Variants in LRFN5 observed in about 807,000 individuals in gnomAD.
LRFN5 encodes the protein leucine-rich repeat and fibronectin type-III domain-containing protein 5.
In LRFN5, 24 loss-of-function variants were observed where a neutral mutation model predicts 45.6. That is an observed-to-expected ratio of 0.53 (90% CI 0.38 to 0.74). The LOEUF (loss-of-function observed/expected upper bound fraction) is 0.74, where lower values mean the gene tolerates loss of function less well. Among genes scored for constraint, LRFN5 ranks in the 30% least tolerant of loss-of-function variants. The probability of loss-of-function intolerance (pLI) is 0.00; values close to 1 mark genes in which losing one functional copy is unlikely to be tolerated. For synonymous variants in LRFN5, 340 were observed against 313.8 expected (o/e 1.08, Z -0.88); for missense variants, 776 against 861.5 (o/e 0.90, Z 1.24).
intron 1 of LRFN5, among the ~76,000 whole-genome samples, chr14:41,708,685 T>C (rs567795938): frequency 1.3e-5 from 2 of 151,500 alleles, no homozygotes; most frequent in African/African-American, 4.8e-5. Flanking sequence ...TTGTTCTATA[T>C]TGATCCCTCC....
chr14:41,682,307 T>C (rs564737325), intron 1 of LRFN5, among the ~76,000 whole-genome samples: 1 of 151,978 alleles, frequency 6.6e-6, no homozygotes, highest in East Asian at 1.9e-4. Flanking sequence ...ATAGACAGTA[T>C]AATAAGATAC....
intron 2 of LRFN5, among the ~76,000 whole-genome samples, chr14:41,877,758 G>A (rs942364822): frequency 6.6e-6 from 1 of 151,884 alleles, no homozygotes; most frequent in South Asian, 2.1e-4. Flanking sequence ...TTCATAGTTG[G>A]CCATCTATTT....
chr14:41,696,547 T>TCACAATCTGTTGATTGTGATATCAA (rs149987994), intron 1 of LRFN5, among the ~76,000 whole-genome samples: 83,699 of 150,840 alleles, frequency 0.55, 25,428 homozygotes, highest in East Asian at 0.96. Flanking sequence ...TCTGCAGACA[T>TCACAATCTGTTGATTGTGATATCAA]CACAATCTGT....
intron 1 of LRFN5, among the ~76,000 whole-genome samples, chr14:41,649,095 G>A (rs115108123): frequency 0.019 from 2,842 of 151,840 alleles, 81 homozygotes; most frequent in African/African-American, 0.064. Context: ...TTAGTTGGGC[G>A]TTGTGGCGGG....
chr14:41,652,588 G>A (rs1419181302), intron 1 of LRFN5, among the ~76,000 whole-genome samples: 1 of 151,906 alleles, frequency 6.6e-6, no homozygotes, highest in Non-Finnish European at 1.5e-5. Context: ...GTGACAGGCT[G>A]GTTTCTACTA....
intron 2 of LRFN5, among the ~76,000 whole-genome samples, chr14:41,818,504 AAC>A (rs149071051): frequency 2.7e-4 from 40 of 150,456 alleles, no homozygotes; most frequent in Admixed American, 1.1e-3. Context: ...CACACACACA[AAC>A]ACACACACAC....
chr14:41,624,557 C>T (rs1888258023), intron 1 of LRFN5, among the ~76,000 whole-genome samples: 1 of 152,074 alleles, frequency 6.6e-6, no homozygotes, highest in South Asian at 2.1e-4. Flanking sequence ...CTGAAAAGTG[C>T]TCTGAACACT....
chr14:41,818,518 C>T (rs1322603871), intron 2 of LRFN5, among the ~76,000 whole-genome samples: 1 of 151,844 alleles, frequency 6.6e-6, no homozygotes, highest in Non-Finnish European at 1.5e-5. Context: ...CACACACACA[C>T]ATACACATCC....
At chr14:41,649,922 T>C (rs982619939) in intron 1 of LRFN5, among the ~76,000 whole-genome samples, 2 of 152,186 alleles carry the variant, frequency 1.3e-5, no homozygotes, top group African/African-American at 2.4e-5. Flanking sequence ...ATAAAATCTT[T>C]CTTATTGGGC....
intron 1 of LRFN5, among the ~76,000 whole-genome samples, chr14:41,616,572 A>T (rs991086457): frequency 1.3e-5 from 2 of 152,142 alleles, no homozygotes; most frequent in African/African-American, 4.8e-5. Flanking sequence ...GCAGTTTTTC[A>T]GCCTCTATAT....
chr14:41,845,802 T>C (rs8005474), intron 2 of LRFN5, among the ~76,000 whole-genome samples: 22,271 of 152,174 alleles, frequency 0.15, 1,789 homozygotes, highest in East Asian at 0.22. Context: ...CCGCTGTAAA[T>C]GCATGCATTC....
chr14:41,758,495 T>C (rs2138862430), intron 1 of LRFN5, among the ~76,000 whole-genome samples: 3 of 152,338 alleles, frequency 2.0e-5, no homozygotes, highest in Admixed American at 2.0e-4. Context: ...CTTGGCCCAT[T>C]CATAAGCCTA....
intron 1 of LRFN5, among the ~76,000 whole-genome samples, chr14:41,630,531 A>G (rs569219995): frequency 9.7e-4 from 148 of 152,144 alleles, no homozygotes; most frequent in Middle Eastern, 3.4e-3. Flanking sequence ...TTCTAATTCC[A>G]TGTTTTATAT....
At chr14:41,817,539 A>G (rs1887964416) in intron 2 of LRFN5, among the ~76,000 whole-genome samples, 1 of 152,064 alleles carries the variant, frequency 6.6e-6, no homozygotes, top group Non-Finnish European at 1.5e-5. Flanking sequence ...ATAAGACAGG[A>G]TGACTAGAGG....
At chr14:41,897,840 C>T (rs950296468) in intron 4 of LRFN5, among the ~76,000 whole-genome samples, 1 of 152,092 alleles carries the variant, frequency 6.6e-6, no homozygotes, top group African/African-American at 2.4e-5. Flanking sequence ...ACGGCCCTTT[C>T]ATTTAATGTA....
chr14:41,745,980 G>T (rs1369056768), intron 1 of LRFN5, among the ~76,000 whole-genome samples: 1 of 151,936 alleles, frequency 6.6e-6, no homozygotes, highest in African/African-American at 2.4e-5. Context: ...GAAAATGAAG[G>T]AACACTCCCT....
At chr14:41,710,429 T>G (rs188180528) in intron 1 of LRFN5, among the ~76,000 whole-genome samples, 1 of 152,190 alleles carries the variant, frequency 6.6e-6, no homozygotes, top group Admixed American at 6.5e-5. Flanking sequence ...TGGTTATATC[T>G]TTTCAAATAT....
intron 1 of LRFN5, chr14:41,731,644 T>C (rs1435256274): frequency 6.6e-6 from 1 of 152,190 alleles, no homozygotes; most frequent in Non-Finnish European, 1.5e-5. Flanking sequence ...GCCTGCACTA[T>C]GGAAATCATC....
intron 1 of LRFN5, among the ~76,000 whole-genome samples, chr14:41,690,964 C>T (rs1881538998): frequency 6.6e-6 from 1 of 151,926 alleles, no homozygotes; most frequent in African/African-American, 2.4e-5. Context: ...AGCCAATTTT[C>T]ATTCCTGACA....
Sources: gnomAD v4.1 joint callset for allele counts (sites outside exome capture counted in the v4.1 genomes callset) on GRCh38, gnomAD v4.1.1 for gene constraint, MANE v1.5 for transcripts, NCBI Gene and HGNC (gene_info 2026-07-23, HGNC 2026-07-21) for gene names.